Variants in OSTF1 observed in about 807,000 individuals in gnomAD.
OSTF1 encodes osteoclast-stimulating factor 1.
In OSTF1, 27 loss-of-function variants were observed where a neutral mutation model predicts 37.2. The observed-to-expected ratio is 0.73, with a 90% CI of 0.54 to 1.00. The LOEUF (loss-of-function observed/expected upper bound fraction) is 1.00, where lower values mean the gene tolerates loss of function less well. OSTF1 is among the 50% of genes least tolerant of loss of function. The pLI is 0.00. For missense variants in OSTF1, 232 were observed against 253.8 expected (o/e 0.91, Z 0.58); for synonymous variants, 82 against 89.2 (o/e 0.92, Z 0.46).
At chr9:75,095,214 G>A (rs1301949420) in intron 1 of OSTF1, among the ~76,000 whole-genome samples, 1 of 152,150 alleles carries the variant, frequency 6.6e-6, no homozygotes, top group African/African-American at 2.4e-5. Context: ...GCTTACACAC[G>A]TAAATCCATA....
At chr9:75,117,275 G>GTA (rs1038606688) in intron 1 of OSTF1, among the ~76,000 whole-genome samples, 4 of 152,206 alleles carry the variant, frequency 2.6e-5, no homozygotes, top group African/African-American at 9.6e-5. Context: ...TCTTATGGTG[G>GTA]TATAGAACAC....
intron 2 of OSTF1, among the ~76,000 whole-genome samples, chr9:75,123,605 AAT>A (rs1249962167): frequency 6.6e-6 from 1 of 152,196 alleles, no homozygotes; most frequent in African/African-American, 2.4e-5. Flanking sequence ...GGAAAATGTG[AAT>A]ATTGCAGGTG....
At chr9:75,131,236 A>T (rs1229412164) in intron 4 of OSTF1, among the ~76,000 whole-genome samples, 1 of 152,198 alleles carries the variant, frequency 6.6e-6, no homozygotes, top group Non-Finnish European at 1.5e-5. Context: ...CTTCCTACTG[A>T]TTCTAGGACA....
chr9:75,140,697 T>G (rs548117806), intron 8 of OSTF1, 137 bp from the exon 9 acceptor site: 12 of 584,418 alleles, frequency 2.1e-5, no homozygotes, highest in Non-Finnish European at 3.7e-5. Flanking sequence ...AAGTTTATTG[T>G]TTTGAGAACG....
rs908519349 is a variant in OSTF1, at chr9:75,111,244, C to A, written c.35-6260C>A. ...CCTTTGCCTGTAGAATATCCTGTTG[C>A]AGAACCCTTCTCTCTGCCTTTGCCC... On this transcript the variant is annotated intron_variant, in intron 1 of 9. Transcript: ENST00000346234. Among the ~76,000 whole-genome samples the A allele has an allele frequency of 2.6e-5, 4 of 152,152 alleles. No individual in the cohort carries two copies. The East Asian group carries it at 7.7e-4, about 29-fold the overall frequency.
At chr9:75,146,390 G>A (rs1426685304) in intron 9 of OSTF1, among the ~76,000 whole-genome samples, 2 of 152,234 alleles carry the variant, frequency 1.3e-5, no homozygotes, top group African/African-American at 2.4e-5. Flanking sequence ...GCTGCTGGTG[G>A]TGTATCATGT....
intron 2 of OSTF1, among the ~76,000 whole-genome samples, chr9:75,119,608 A>G (rs547535509): frequency 1.3e-5 from 2 of 152,288 alleles, no homozygotes; most frequent in African/African-American, 4.8e-5. Context: ...TAGATGTCAG[A>G]CTTCTCTCCA....
intron 1 of OSTF1, among the ~76,000 whole-genome samples, chr9:75,112,047 A>T (rs1196013355): frequency 2.7e-5 from 4 of 149,008 alleles, no homozygotes; most frequent in Admixed American, 1.3e-4. Flanking sequence ...CTGGTCTGGA[A>T]CTCCTGACCT....
At chr9:75,106,646 GAA>G (rs555955744) in intron 1 of OSTF1, among the ~76,000 whole-genome samples, 797 of 72,210 alleles carry the variant, frequency 0.011, 12 homozygotes, top group African/African-American at 0.037. Context: ...ATTCCATCTC[GAA>G]AAAAAAAAAA....
At chr9:75,135,754 G>A (rs906519376) in intron 7 of OSTF1, among the ~76,000 whole-genome samples, 1 of 152,138 alleles carries the variant, frequency 6.6e-6, no homozygotes, top group African/African-American at 2.4e-5. Flanking sequence ...GGAAATCAAG[G>A]GATTGGCTGG....
At chr9:75,121,507 G>C (rs978494115) in intron 2 of OSTF1, among the ~76,000 whole-genome samples, 1 of 152,166 alleles carries the variant, frequency 6.6e-6, no homozygotes, top group African/African-American at 2.4e-5. Flanking sequence ...TTCAAGCCCT[G>C]TTGCCTCTAT....
rs1269880663 is a variant in OSTF1 at position 75,135,878 on chromosome 9, C to A, written c.408+1483C>A. On this transcript the variant is annotated intron_variant, in intron 7 of 9. Coordinates refer to ENST00000346234, the MANE Select transcript of OSTF1 (RefSeq NM_012383.5). The stretch of plus-strand genomic sequence containing the variant: ...TGAGGCCCTCAGCTTTTAGAGGCCA[C>A]CCCTCTCTGTAGACAGCTCACAGTA... Among the ~76,000 whole-genome samples, 7 of 152,332 alleles carry A rather than the reference C, an allele frequency of 4.6e-5. No homozygotes were observed. The East Asian group carries it at 1.3e-3, about 29-fold the overall frequency.
rs1826034086 is a variant in OSTF1, at chr9:75,146,852, G to A, written c.*111G>A. On this transcript the variant is annotated 3_prime_UTR_variant, in exon 10 of 10. Coordinates refer to ENST00000346234, the MANE Select transcript of OSTF1 (RefSeq NM_012383.5). ...ATAAAGAAAATTATATATGAACACG[G>A]CAGTGTTGCACTGTGTTTGAGTAGA... is the stretch of plus-strand genomic sequence containing the variant. 3 of 718,320 alleles carry A rather than the reference G, an allele frequency of 4.2e-6. No homozygotes were observed. The highest frequency in any genetic ancestry group is 7.1e-6 in the Non-Finnish European group (3 of 420,154). The allele number at this position is 718,320 out of a possible 1,614,324, so 44.5% of individuals were successfully genotyped here. A position where few individuals can be genotyped will look rare whatever the true frequency, so the allele number is the denominator to read the frequency against.
Position 75,139,656 on chromosome 9 carries a change from C to T in OSTF1, c.488-1178C>T, listed in dbSNP as rs181964470. On this transcript the variant is annotated intron_variant, in intron 8 of 9. Transcript: ENST00000346234. ...CAGGCTGGTCTTGAACTCCTGACCTCAAATGATCTGCCCGCCTTGGCCTCC... is the reference window on the plus strand; with the variant it reads ...CAGGCTGGTCTTGAACTCCTGACCTTAAATGATCTGCCCGCCTTGGCCTCC... Among the ~76,000 whole-genome samples the T allele has an allele frequency of 3.0e-4, 46 of 152,330 alleles. No individual in the cohort carries two copies. The East Asian group carries it at 7.3e-3, about 24-fold the overall frequency.
chr9:75,133,480 G>T, intron 6 of OSTF1, 79 bp downstream of exon 6: 1 of 853,226 alleles, frequency 1.2e-6, no homozygotes, highest in Non-Finnish European at 1.9e-6. Context: ...TACAAAAAAT[G>T]AGAAAGGAAA....
At chr9:75,128,581 C>CAT (rs57516721) in intron 3 of OSTF1, among the ~76,000 whole-genome samples, 397 of 2,100 alleles carry the variant, frequency 0.19, 144 homozygotes, top group Non-Finnish European at 0.26. Flanking sequence ...ATATTTTGTC[C>CAT]ATATATATAT....
Position 75,117,518 on chromosome 9 carries a change from T to G in OSTF1, c.49T>G (p.Phe17Val). The part of the protein sequence containing the change: ...KPVKPGQVKV[F>V]RALYTFEPRT... ...TCCTTTTTTAGGGCAAGTTAAAGTC[T>G]TCAGAGCCCTGTATACGTTTGAACC... is the stretch of plus-strand genomic sequence containing the variant. The change falls in exon 2 of 10, where the codon TTC (phenylalanine) becomes GTC (valine). Residue 17 changes from phenylalanine (F) to valine (V), a missense_variant. Phe to Val is a conservative substitution (Grantham distance 50). Coordinates refer to ENST00000346234, the MANE Select transcript of OSTF1 (RefSeq NM_012383.5). 1 of 1,611,608 alleles carries G rather than the reference T, an allele frequency of 6.2e-7. No homozygotes were observed. Among genetic ancestry groups the G allele is most frequent in the Non-Finnish European group, 8.5e-7 (1 of 1,178,312 alleles).
chr9:75,118,219 C>T (rs1587456212), intron 2 of OSTF1, among the ~76,000 whole-genome samples: 1 of 152,108 alleles, frequency 6.6e-6, no homozygotes, highest in Non-Finnish European at 1.5e-5. Flanking sequence ...GTGCTGTCTT[C>T]AATAGCATGT....
chr9:75,140,126 C>T (rs1825916160), intron 8 of OSTF1, among the ~76,000 whole-genome samples: 2 of 152,236 alleles, frequency 1.3e-5, no homozygotes, highest in Admixed American at 6.5e-5. Context: ...CAGACCAATA[C>T]GTGTAGTACG....
Sources: allele counts gnomAD v4.1 joint callset (sites outside exome capture counted in the v4.1 genomes callset), GRCh38; gene constraint gnomAD v4.1.1; transcripts MANE v1.5; gene names NCBI Gene and HGNC (gene_info 2026-07-23, HGNC 2026-07-21).